Variants in DDX60 observed in about 807,000 individuals in gnomAD.
The protein encoded by DDX60 is DExD/H-box helicase 60, also known as probable ATP-dependent RNA helicase DDX60.
DDX60 carries 165 observed loss-of-function variants against 212.8 expected under a neutral mutation model. The ratio of observed to expected loss-of-function variants is 0.78; its 90% CI spans 0.68 to 0.88. DDX60 has a LOEUF of 0.88. Ranked by LOEUF, DDX60 falls within the 40% of genes least tolerant of loss-of-function variation. The pLI is 0.00. For synonymous variants in DDX60, 703 were observed against 685.3 expected (o/e 1.03, Z -0.40); for missense variants, 1,905 against 2,003.9 (o/e 0.95, Z 0.94).
intron 5 of DDX60, among the ~76,000 whole-genome samples, chr4:168,304,997 T>C (rs907060500): frequency 1.3e-4 from 20 of 152,186 alleles, no homozygotes; most frequent in African/African-American, 4.8e-4. Flanking sequence ...TCATGGTAAG[T>C]ACCCTATACA....
In DDX60 at chr4:168,291,748, C is replaced by A; in HGVS notation, c.1041G>T (p.Met347Ile). 6.4e-7 allele frequency: 1 copy of A among 1,573,478 alleles called. No homozygotes were observed. The highest frequency in any genetic ancestry group is 2.0e-5 in the Admixed American group (1 of 49,444). Residue 347 changes from methionine to isoleucine, a missense_variant and splice_region_variant, in exon 8 of 38, where the codon ATG becomes ATT. Coordinates refer to ENST00000393743, the MANE Select transcript of DDX60 (RefSeq NM_017631.6). ...GTAAACTAATAAAGAGTACATTTAC[C>A]ATTTGTAATAAAGGCTTCATGTCCT... Reference protein sequence around the residue: ...WAEDMKPLLQMKKWCEYFILR... With the variant: ...WAEDMKPLLQIKKWCEYFILR...
chr4:168,324,120 C>A, the DDX60 span, among the ~76,000 whole-genome samples: 2 of 152,150 alleles, frequency 1.3e-5, no homozygotes, highest in African/African-American at 2.4e-5. Flanking sequence ...GCCAGAGAGC[C>A]CAAGTTTGGC....
rs367648565 is a variant in DDX60 at position 168,268,868 on chromosome 4, A to C, written c.2772T>G (p.Pro924=). 4 of 1,574,802 alleles carry C rather than the reference A, an allele frequency of 2.5e-6. No homozygotes were observed. Among genetic ancestry groups the C allele is most frequent in the Non-Finnish European group, 3.5e-6 (4 of 1,154,708 alleles). ...TTAATGCCTACTCGGTGAGATGTTCAGGATTACTTATGGTAGCTGAAAGAG... is the reference window on the plus strand; with the variant it reads ...TTAATGCCTACTCGGTGAGATGTTCCGGATTACTTATGGTAGCTGAAAGAG... ...FLALSATISN[P]EHLTEWLQSV... is the part of the protein sequence containing the mutation. Residue 924 remains proline (P), a synonymous_variant, in exon 20 of 38, where the codon CCT becomes CCG. Transcript: ENST00000393743.
chr4:168,273,530 C>T, intron 17 of DDX60, 132 bp from the exon 18 acceptor site: 14 of 971,726 alleles, frequency 1.4e-5, no homozygotes, highest in Non-Finnish European at 2.1e-5. Context: ...CATCAACCCA[C>T]TACTCTAAAC....
upstream of DDX60, among the ~76,000 whole-genome samples, chr4:168,319,085 T>C (rs1737536109): frequency 6.6e-6 from 1 of 152,128 alleles, no homozygotes; most frequent in Non-Finnish European, 1.5e-5. Context: ...TAGTAAAGTT[T>C]TGAGGTAATA....
chr4:168,312,002 G>C (rs997711892), intron 1 of DDX60, among the ~76,000 whole-genome samples: 1 of 152,178 alleles, frequency 6.6e-6, no homozygotes, highest in Non-Finnish European at 1.5e-5. Context: ...CTGTGCAGGA[G>C]AGTAATGATG....
intron 28 of DDX60, among the ~76,000 whole-genome samples, chr4:168,248,534 C>T (rs1006322183): frequency 6.6e-6 from 1 of 152,178 alleles, no homozygotes; most frequent in African/African-American, 2.4e-5. Context: ...GCTTCTTCAG[C>T]TGTCTACTCA....
chr4:168,217,092 G>A, intron 37 of DDX60, 60 bp from the exon 38 acceptor site: 2 of 1,119,400 alleles, frequency 1.8e-6, no homozygotes, highest in East Asian at 2.7e-5. Context: ...TATAAGAAAG[G>A]CTTTCCTTGG....
chr4:168,286,566 T>C (rs1034220973), intron 10 of DDX60, among the ~76,000 whole-genome samples: 1 of 152,128 alleles, frequency 6.6e-6, no homozygotes, highest in Non-Finnish European at 1.5e-5. Flanking sequence ...GGGATCCTCC[T>C]AGTGCTCCCT....
intron 37 of DDX60, among the ~76,000 whole-genome samples, chr4:168,218,892 A>T (rs977577328): frequency 2.6e-5 from 4 of 152,194 alleles, no homozygotes; most frequent in African/African-American, 9.7e-5. Context: ...TCATTCCCTT[A>T]TCTGCCATCA....
At chr4:168,237,234 T>C in intron 32 of DDX60, 52 bp downstream of exon 32, 1 of 1,246,952 alleles carries the variant, frequency 8.0e-7, no homozygotes, top group Non-Finnish European at 1.0e-6. Context: ...TACAAATCTG[T>C]TGCTATTTTT....
chr4:168,226,366 G>T (rs1420310760), intron 33 of DDX60, among the ~76,000 whole-genome samples: 1 of 151,906 alleles, frequency 6.6e-6, no homozygotes, highest in Non-Finnish European at 1.5e-5. Flanking sequence ...TCATGAGGGT[G>T]GAGTCCTCAT....
At chr4:168,281,622 G>A (rs546284805) in intron 13 of DDX60, among the ~76,000 whole-genome samples, 1 of 152,262 alleles carries the variant, frequency 6.6e-6, no homozygotes, top group East Asian at 1.9e-4. Flanking sequence ...ACATAGTATG[G>A]ACCCACTTTT....
intron 10 of DDX60, among the ~76,000 whole-genome samples, chr4:168,286,089 CAGGG>C (rs1422084971): frequency 1.2e-4 from 12 of 104,084 alleles, no homozygotes; most frequent in East Asian, 3.1e-4. Flanking sequence ...AGCAAGCACA[CAGGG>C]AGGGAGGGAG....
chr4:168,274,941 C>T (rs751825275), intron 16 of DDX60, among the ~76,000 whole-genome samples: 3 of 152,166 alleles, frequency 2.0e-5, no homozygotes, highest in Non-Finnish European at 4.4e-5. Context: ...AGAATAGCTA[C>T]TATGGTGACA....
rs781727606 is a variant in DDX60, at chr4:168,224,348, T to C, written c.4719A>G (p.Val1573=). 3.1e-6 allele frequency: 5 copies of C among 1,612,060 alleles called. No individual in the cohort carries two copies. The highest frequency in any genetic ancestry group is 1.7e-4 in the Middle Eastern group (1 of 6,048). ...TGKECEDSQL[V]SHLMSCKEGR... The stretch of plus-strand genomic sequence containing the variant: ...CTTCCTTGCAGCTCATCAAATGAGA[T>C]ACGAGTTGAGAGTCTTCACATTCTT... Residue 1573 remains valine (V), a synonymous_variant, in exon 35 of 38, where the codon GTA becomes GTG. Transcript: ENST00000393743.
chr4:168,275,515 T>A lies in DDX60; in HGVS notation c.2146-12A>T. On this transcript the variant is annotated splice_polypyrimidine_tract_variant and intron_variant, in intron 15 of 37. Transcript: ENST00000393743. Reference sequence around the variant, plus strand: ...TCATTTTCTGCATCCTGCATTATTTTAAAAGTCCATTTTGAAAATGACATT... The same window carrying A: ...TCATTTTCTGCATCCTGCATTATTTAAAAAGTCCATTTTGAAAATGACATT... 6.3e-7 allele frequency: 1 copy of A among 1,576,208 alleles called. No individual in the cohort carries two copies. The highest frequency in any genetic ancestry group is 1.2e-5 in the South Asian group (1 of 82,794).
At position 168,306,524 on chromosome 4, in the gene DDX60, T is replaced by C; in HGVS notation, c.461A>G (p.Gln154Arg). 2 of 1,614,192 alleles carry C rather than the reference T, an allele frequency of 1.2e-6. No individual in the cohort carries two copies. The highest frequency in any genetic ancestry group is 1.1e-5 in the South Asian group (1 of 91,086). ...IVADEGLNDL[Q>R]TQLFNFLIIH... Reference sequence around the variant, plus strand: ...GATTAAAAAGTTGAAAAGCTGTGTTTGTAGATCGTTCAGGCCTTCGTCTGC... The same window carrying C: ...GATTAAAAAGTTGAAAAGCTGTGTTCGTAGATCGTTCAGGCCTTCGTCTGC... Residue 154 changes from glutamine (Q) to arginine (R), a missense_variant, in exon 5 of 38, where the codon CAA becomes CGA. By Grantham distance (43) the Gln-to-Arg change is conservative (BLOSUM62 1). Transcript: ENST00000393743.
At position 168,287,165 on chromosome 4, in the gene DDX60, A is replaced by G; in HGVS notation, c.1222T>C (p.Tyr408His). Residue 408 changes from tyrosine (Y) to histidine (H), a missense_variant, in exon 10 of 38, where the codon TAT becomes CAT. Tyr to His is a moderately conservative substitution (Grantham distance 83). Transcript: ENST00000393743. ...LNLGDTIMKDYEYLWNTVSKL... is the reference protein window; with the variant it reads ...LNLGDTIMKDHEYLWNTVSKL... ...GATACGGTATTCCAGAGATATTCAT[A>G]ATCTTTCATAATGGTATCTCCCAAA... 6.2e-7 allele frequency: 1 copy of G among 1,610,084 alleles called. No homozygotes were observed. Among genetic ancestry groups the G allele is most frequent in the Non-Finnish European group, 8.5e-7 (1 of 1,178,444 alleles).
Sources: gnomAD v4.1 joint callset for allele counts (sites outside exome capture counted in the v4.1 genomes callset) on GRCh38, gnomAD v4.1.1 for gene constraint, MANE v1.5 for transcripts, NCBI Gene and HGNC (gene_info 2026-07-23, HGNC 2026-07-21) for gene names.